The following RP1 variants were observed in gnomAD, a reference collection of about 807,000 sequenced individuals.
RP1 encodes oxygen-regulated protein 1.
In RP1, 16 loss-of-function variants were observed where a neutral mutation model predicts 14.8. That is an observed-to-expected ratio of 1.08 (90% confidence interval 0.73 to 1.65). The LOEUF (loss-of-function observed/expected upper bound fraction) is 1.65, where lower values mean the gene tolerates loss of function less well. RP1 is among the 40% of genes most tolerant of loss of function. The probability of loss-of-function intolerance (pLI) is 0.00; values close to 1 mark genes in which losing one functional copy is unlikely to be tolerated. For synonymous variants in RP1, 876 were observed against 883.6 expected, an observed-to-expected ratio of 0.99 and a Z score of 0.15; for missense variants, 2,631 against 2,535.0, an observed-to-expected ratio of 1.04 and a Z score of -0.81.
intron 14 of RP1, among the ~76,000 whole-genome samples, chr8:54,704,056 A>C (rs772690723): frequency 1.4e-4 from 22 of 152,098 alleles, no homozygotes; most frequent in Non-Finnish European, 2.1e-4. Context: ...AGGCTGTTTA[A>C]GTTTCTTATT....
At chr8:54,608,177 A>G (rs1805506832) in intron 1 of RP1, among the ~76,000 whole-genome samples, 1 of 141,484 alleles carries the variant, frequency 7.1e-6, no homozygotes, top group Admixed American at 7.1e-5. Context: ...TATTTTGGCC[A>G]TCTGCCTTTT....
Position 54,626,357 on chromosome 8 carries a change from C to T in RP1, c.2475C>T (p.Ile825=). The part of the protein sequence containing the change: ...ENKSLFHVFN[I]LEQKPKDFYA... Reference sequence around the variant, plus strand: ...AAAGTTTATTTCATGTATTTAACATCCTTGAGCAAAAACCCAAAGATTTTT... The same window carrying T: ...AAAGTTTATTTCATGTATTTAACATTCTTGAGCAAAAACCCAAAGATTTTT... Residue 825 remains isoleucine (I), a synonymous_variant, in exon 4 of 4, where the codon ATC becomes ATT. Transcript: ENST00000220676. 6.2e-7 allele frequency: 1 copy of T among 1,613,378 alleles called. No individual in the cohort carries two copies. The highest frequency in any genetic ancestry group is 1.7e-4 in the Middle Eastern group (1 of 6,060).
intron 16 of RP1, chr8:54,720,389 T>C: frequency 1.6e-6 from 2 of 1,226,874 alleles, no homozygotes; most frequent in Non-Finnish European, 2.2e-6. Context: ...ATCACATTTT[T>C]ACTAAGCAAA....
intron 24 of RP1, among the ~76,000 whole-genome samples, chr8:54,807,659 T>TATC (rs1463213195): frequency 1.8e-5 from 1 of 55,754 alleles, no homozygotes; most frequent in Non-Finnish European, 3.3e-5. Context: ...TCTATCTATC[T>TATC]ATCTATCTAT....
At chr8:54,617,632 A>G (rs1805751990) in intron 1 of RP1, among the ~76,000 whole-genome samples, 1 of 152,060 alleles carries the variant, frequency 6.6e-6, no homozygotes, top group Admixed American at 6.5e-5. Flanking sequence ...TCAACTTTAC[A>G]CAGACTCTCC....
At chr8:54,759,108 G>T in intron 22 of RP1, 1 of 1,525,818 alleles carries the variant, frequency 6.6e-7, no homozygotes, top group East Asian at 2.5e-5. Context: ...CTTCAAAAGA[G>T]TATGCTGCAC....
At chr8:54,792,950 G>A (rs142520208) in intron 24 of RP1, among the ~76,000 whole-genome samples, 1,808 of 151,438 alleles carry the variant, frequency 0.012, 19 homozygotes, top group Non-Finnish European at 0.018. Context: ...TAGACTAATC[G>A]AGAAAAAAAG....
At chr8:54,564,627 T>C (rs76548773) in intron 1 of RP1, among the ~76,000 whole-genome samples, 1 of 152,198 alleles carries the variant, frequency 6.6e-6, no homozygotes, top group African/African-American at 2.4e-5. Context: ...AGAGAGGCTG[T>C]GCTTTGGGGT....
chr8:54,758,739 A>G (rs1809567298), intron 21 of RP1, among the ~76,000 whole-genome samples: 1 of 152,236 alleles, frequency 6.6e-6, no homozygotes, highest in Non-Finnish European at 1.5e-5. Flanking sequence ...TATTTTTAAT[A>G]GATAAAAAGT....
intron 1 of RP1, among the ~76,000 whole-genome samples, chr8:54,602,681 C>T (rs1401522094): frequency 6.6e-6 from 1 of 152,208 alleles, no homozygotes; most frequent in Admixed American, 6.5e-5. Flanking sequence ...TATTTCTCCA[C>T]ATCCTCTCCA....
chr8:54,685,194 C>A (rs1284746348), intron 12 of RP1, among the ~76,000 whole-genome samples: 1 of 152,084 alleles, frequency 6.6e-6, no homozygotes, highest in Non-Finnish European at 1.5e-5. Context: ...TTCTTGTCTT[C>A]TACTAGCTTT....
intron 19 of RP1, among the ~76,000 whole-genome samples, chr8:54,753,990 T>A (rs1322916633): frequency 6.6e-6 from 1 of 152,208 alleles, no homozygotes; most frequent in Non-Finnish European, 1.5e-5. Flanking sequence ...GACATTTTTA[T>A]CTATTGTGAT....
exon 14 of RP1, chr8:54,701,537 T>C (rs957030938): frequency 6.5e-7 from 1 of 1,535,818 alleles, no homozygotes; most frequent in African/African-American, 1.4e-5. Context: ...GCCTAACCGC[T>C]GTGCACTTCT....
intron 1 of RP1, among the ~76,000 whole-genome samples, chr8:54,597,096 C>T (rs1310158444): frequency 2.0e-5 from 3 of 152,140 alleles, no homozygotes; most frequent in African/African-American, 7.2e-5. Context: ...AGAACTAAAA[C>T]TCCTTAGCCC....
intron 1 of RP1, among the ~76,000 whole-genome samples, chr8:54,579,318 A>C (rs1804727727): frequency 6.6e-6 from 1 of 152,204 alleles, no homozygotes; most frequent in Non-Finnish European, 1.5e-5. Context: ...ACCGAGGATG[A>C]GACTAGTCAG....
chr8:54,851,582 A>T (rs372827066), intron 25 of RP1, among the ~76,000 whole-genome samples: 2 of 152,172 alleles, frequency 1.3e-5, no homozygotes, highest in East Asian at 3.9e-4. Context: ...AGGTTGCTTG[A>T]AATATTTCTT....
chr8:54,641,285 A>G (rs1806449994), intron 3 of RP1, among the ~76,000 whole-genome samples: 1 of 152,124 alleles, frequency 6.6e-6, no homozygotes, highest in South Asian at 2.1e-4. Context: ...CAGTGGCTAC[A>G]TACCTATATC....
chr8:54,742,486 G>A (rs1809122794), intron 19 of RP1, among the ~76,000 whole-genome samples: 1 of 152,130 alleles, frequency 6.6e-6, no homozygotes, highest in Admixed American at 6.6e-5. Context: ...TTTTCTAATA[G>A]TTCAGGAACA....
chr8:54,697,510 G>C (rs1402331332), intron 12 of RP1, among the ~76,000 whole-genome samples: 1 of 152,134 alleles, frequency 6.6e-6, no homozygotes, highest in Non-Finnish European at 1.5e-5. Flanking sequence ...AGCCAAGATT[G>C]TGCCATTGCA....
Sources: allele counts gnomAD v4.1 joint callset (sites outside exome capture counted in the v4.1 genomes callset), GRCh38; gene constraint gnomAD v4.1.1; transcripts MANE v1.5; gene names NCBI Gene and HGNC (gene_info 2026-07-23, HGNC 2026-07-21).